SYT9: variants seen among roughly 807,000 people sequenced by gnomAD.
SYT9 encodes the protein synaptotagmin 9.
In SYT9, 22 loss-of-function variants were observed where a neutral mutation model predicts 48.4. The observed-to-expected ratio is 0.45, with a 90% CI of 0.32 to 0.65. The LOEUF (loss-of-function observed/expected upper bound fraction) is 0.65. Among genes scored for constraint, SYT9 ranks in the 30% least tolerant of loss-of-function variants. The pLI is 0.03. For missense variants in SYT9, 577 were observed against 622.0 expected, an observed-to-expected ratio of 0.93 and a Z score of 0.77; for synonymous variants, 265 against 245.0, an observed-to-expected ratio of 1.08 and a Z score of -0.76.
intron 1 of SYT9, among the ~76,000 whole-genome samples, chr11:7,244,056 A>G (rs1015825688): frequency 7.2e-5 from 11 of 152,256 alleles, no homozygotes; most frequent in Non-Finnish European, 1.5e-4. Context: ...TTGTTCTGAA[A>G]CGATGAACAA....
chr11:7,390,181 G>A (rs1015091587), intron 3 of SYT9, among the ~76,000 whole-genome samples: 8 of 152,030 alleles, frequency 5.3e-5, no homozygotes, highest in African/African-American at 1.7e-4. Flanking sequence ...TCCCCACCCT[G>A]TATCCATGTG....
chr11:7,286,868 G>T (rs755764320), intron 1 of SYT9, among the ~76,000 whole-genome samples: 1 of 152,150 alleles, frequency 6.6e-6, no homozygotes, highest in East Asian at 1.9e-4. Flanking sequence ...ATCACTATCA[G>T]CATTTTGGTC....
intron 3 of SYT9, among the ~76,000 whole-genome samples, chr11:7,403,564 C>CAGAGAG (rs59032816): frequency 1.7e-4 from 25 of 150,502 alleles, no homozygotes; most frequent in South Asian, 4.2e-4. Context: ...AATAAATAAA[C>CAGAGAG]AGAGAGAGAG....
At chr11:7,265,540 G>A (rs904559159) in intron 1 of SYT9, among the ~76,000 whole-genome samples, 9 of 152,102 alleles carry the variant, frequency 5.9e-5, no homozygotes, top group South Asian at 2.1e-4. Flanking sequence ...TACGGCCTTC[G>A]TGGTTTACAA....
chr11:7,351,872 C>G (rs765893698), intron 3 of SYT9, among the ~76,000 whole-genome samples: 1 of 152,164 alleles, frequency 6.6e-6, no homozygotes, highest in Non-Finnish European at 1.5e-5. Context: ...ACCAACCACT[C>G]TATTTCAGAG....
intron 6 of SYT9, among the ~76,000 whole-genome samples, chr11:7,429,138 G>C (rs1179131344): frequency 6.6e-6 from 1 of 152,146 alleles, no homozygotes; most frequent in African/African-American, 2.4e-5. Context: ...CCAGCATCAA[G>C]CCCCTTTTCT....
intron 3 of SYT9, among the ~76,000 whole-genome samples, chr11:7,409,024 G>A (rs1847080468): frequency 6.6e-6 from 1 of 152,138 alleles, no homozygotes; most frequent in South Asian, 2.1e-4. Flanking sequence ...TCAGTATGAT[G>A]TTATCTGTGG....
At chr11:7,334,827 T>C (rs539985981) in intron 3 of SYT9, among the ~76,000 whole-genome samples, 1 of 152,378 alleles carries the variant, frequency 6.6e-6, no homozygotes, top group East Asian at 1.9e-4. Flanking sequence ...ATCTTTTTAT[T>C]GCTGAGTACT....
Position 7,389,011 on chromosome 11 carries a change from T to C in SYT9, c.1045-27031T>C, listed in dbSNP as rs199671027. Among the ~76,000 whole-genome samples the C allele has an allele frequency of 2.1e-4, 32 of 152,306 alleles. 1 individual carries two copies. The highest frequency in any genetic ancestry group is 1.5e-3 in the East Asian group (8 of 5,192). ...TGAAAAGGAAATTGAAGTGAGGACA[T>C]TGTGTGGTTGTTTAATAAAGGGTTA... is the stretch of plus-strand genomic sequence containing the variant. On this transcript the variant is annotated intron_variant, in intron 3 of 6. Transcript: ENST00000318881.
intron 3 of SYT9, among the ~76,000 whole-genome samples, chr11:7,367,105 G>A (rs1191441882): frequency 1.3e-5 from 1 of 78,364 alleles, no homozygotes; most frequent in Non-Finnish European, 2.3e-5. Context: ...TTTTCGAGAC[G>A]GAGCCTCGCT....
chr11:7,361,181 T>C (rs1850130395), intron 3 of SYT9, among the ~76,000 whole-genome samples: 1 of 151,098 alleles, frequency 6.6e-6, no homozygotes, highest in Non-Finnish European at 1.5e-5. Flanking sequence ...TATTTTGTTT[T>C]GACTTTTGCT....
chr11:7,241,234 ACACG>A (rs1419749545), intron 1 of SYT9, among the ~76,000 whole-genome samples: 96 of 146,160 alleles, frequency 6.6e-4, no homozygotes, highest in African/African-American at 2.5e-3. Flanking sequence ...ACACACACAC[ACACG>A]CACACACTCA....
rs1230471482 is a variant in SYT9, at chr11:7,313,445, T to A, written c.548T>A (p.Ile183Asn). The change falls in exon 3 of 7, where the codon ATC (isoleucine) becomes AAC (asparagine). Residue 183 changes from isoleucine (I) to asparagine (N), a missense_variant. Coordinates refer to ENST00000318881, the MANE Select transcript of SYT9 (RefSeq NM_175733.4). ...AACTTGTCAAACCCGGACTTCAATATCCAGCAGCTTCAAAAACAGGAACAG... is the reference window on the plus strand; with the variant it reads ...AACTTGTCAAACCCGGACTTCAATAACCAGCAGCTTCAAAAACAGGAACAG... ...QLNLSNPDFNIQQLQKQEQLT... is the reference protein window; with the variant it reads ...QLNLSNPDFNNQQLQKQEQLT... 1.9e-6 allele frequency: 3 copies of A among 1,613,848 alleles called. No homozygotes were observed. Among genetic ancestry groups the A allele is most frequent in the Non-Finnish European group, 2.5e-6 (3 of 1,179,952 alleles).
At chr11:7,241,999 A>T (rs1349536469) in intron 1 of SYT9, among the ~76,000 whole-genome samples, 3 of 152,222 alleles carry the variant, frequency 2.0e-5, no homozygotes, top group Non-Finnish European at 4.4e-5. Context: ...GTTTCCTTCT[A>T]TAAAGTCCAG....
chr11:7,247,591 A>G (rs1033996979), upstream of SYT9, among the ~76,000 whole-genome samples: 3 of 147,864 alleles, frequency 2.0e-5, no homozygotes, highest in Non-Finnish European at 4.5e-5. Flanking sequence ...ATATATGTGT[A>G]TATATACGTA....
intron 3 of SYT9, among the ~76,000 whole-genome samples, chr11:7,333,327 T>C (rs577989527): frequency 2.0e-5 from 3 of 152,328 alleles, no homozygotes; most frequent in South Asian, 4.1e-4. Context: ...AGGCCACTGC[T>C]TTGCTAAAGA....
intron 3 of SYT9, among the ~76,000 whole-genome samples, chr11:7,381,637 C>T (rs946692966): frequency 2.0e-5 from 3 of 152,162 alleles, no homozygotes; most frequent in Non-Finnish European, 4.4e-5. Flanking sequence ...ATGTACCACA[C>T]CTTCCCTGAC....
At chr11:7,423,526 C>G (rs1408734962) in intron 6 of SYT9, among the ~76,000 whole-genome samples, 1 of 152,162 alleles carries the variant, frequency 6.6e-6, no homozygotes, top group Non-Finnish European at 1.5e-5. Flanking sequence ...GTGCTTGTCT[C>G]ACAAGAGGGA....
rs1847617668 is a variant in SYT9 at position 7,432,580 on chromosome 11, AAAATATATATACATAT to A, written c.1467+11947_1467+11962del. Among the ~76,000 whole-genome samples, 20 of 6,176 alleles carry A rather than the reference AAAATATATATACATAT, an allele frequency of 3.2e-3. 2 individuals are homozygous for A. Among genetic ancestry groups the A allele is most frequent in the East Asian group, 6.0e-3 (1 of 168 alleles). 4.1% of individuals were successfully genotyped at this position (6,176 alleles called of 152,430 possible). ...AAAAAAAAAAAAAAAAAAAAAAAAA[AAAATATATATACATAT>A]ATATATATATATATATATATATATA... is the stretch of plus-strand genomic sequence containing the variant. On this transcript the variant is annotated intron_variant, in intron 6 of 6. Transcript: ENST00000318881.
Sources: gnomAD v4.1 joint callset for allele counts (sites outside exome capture counted in the v4.1 genomes callset) on GRCh38, gnomAD v4.1.1 for gene constraint, MANE v1.5 for transcripts, NCBI Gene and HGNC (gene_info 2026-07-23, HGNC 2026-07-21) for gene names.